The following DGKD variants were observed in gnomAD, a reference collection of about 807,000 sequenced individuals.
The protein encoded by DGKD is diacylglycerol kinase delta.
In DGKD, 68 loss-of-function variants were observed where a neutral mutation model predicts 154.4. The ratio of observed to expected loss-of-function variants is 0.44; its 90% CI spans 0.36 to 0.54. The LOEUF is 0.54. Among genes scored for constraint, DGKD ranks in the 20% least tolerant of loss-of-function variants. The pLI, the probability that DGKD is intolerant of heterozygous loss-of-function variation, is 0.00. For missense variants in DGKD, 1,343 were observed against 1,593.6 expected (o/e 0.84, Z 2.68); for synonymous variants, 693 against 638.0 (o/e 1.09, Z -1.30).
At chr2:233,422,676 A>G (rs2062159242) in intron 3 of DGKD, among the ~76,000 whole-genome samples, 1 of 152,210 alleles carries the variant, frequency 6.6e-6, no homozygotes, top group Non-Finnish European at 1.5e-5. Flanking sequence ...TAAGAAACAC[A>G]GCATTGTTCT....
chr2:233,423,633 A>G (rs932271752), intron 3 of DGKD, among the ~76,000 whole-genome samples: 1 of 152,094 alleles, frequency 6.6e-6, no homozygotes, highest in Non-Finnish European at 1.5e-5. Flanking sequence ...ATACTCTGTT[A>G]GGTGAGTGCT....
At chr2:233,462,324 G>A (rs371261923) in intron 24 of DGKD, 24 bp from the exon 25 acceptor site, 146 of 1,576,320 alleles carry the variant, frequency 9.3e-5, no homozygotes, top group Middle Eastern at 1.7e-4. Context: ...CCTGACATCT[G>A]CCCGTGCTTC....
In DGKD at chr2:233,354,536, C is replaced by A; in HGVS notation, c.18C>A (p.Gly6=). ...CCGGCAGCATGGCGGCGGCGGCGGGCGCCCCTCCGCCGGGTCCCCCGCAAC... is the reference window on the plus strand; with the variant it reads ...CCGGCAGCATGGCGGCGGCGGCGGGAGCCCCTCCGCCGGGTCCCCCGCAAC... MAAAA[G]APPPGPPQPP... Residue 6 remains glycine, a synonymous_variant, in exon 1 of 30, where the codon GGC becomes GGA. Transcript: ENST00000264057. This position sits in a 1 kb window ranked among gnomAD's most constrained non-coding sequence, Gnocchi z 4.8. The A allele has an allele frequency of 4.0e-6, 4 of 992,694 alleles. No homozygotes were observed. Among genetic ancestry groups the A allele is most frequent in the Non-Finnish European group, 4.8e-6 (4 of 836,816 alleles). The allele number at this position is 992,694 out of a possible 1,614,324, so 61.5% of individuals were successfully genotyped here.
chr2:233,417,792 G>T (rs535551987), intron 3 of DGKD, among the ~76,000 whole-genome samples: 1 of 152,276 alleles, frequency 6.6e-6, no homozygotes, highest in East Asian at 1.9e-4. Context: ...AGATTGGCCT[G>T]AAGAGGACAT....
intron 1 of DGKD, among the ~76,000 whole-genome samples, chr2:233,377,446 A>C (rs1423939350): frequency 6.6e-6 from 1 of 152,108 alleles, no homozygotes; most frequent in Non-Finnish European, 1.5e-5. Context: ...TGATTTGGAG[A>C]GGTTCCGTAG....
chr2:233,430,553 TTCTC>T (rs1006810412), intron 3 of DGKD, among the ~76,000 whole-genome samples: 5 of 152,210 alleles, frequency 3.3e-5, no homozygotes, highest in African/African-American at 9.6e-5. Flanking sequence ...AAACCTTACT[TTCTC>T]TCTCTCTTTT....
At chr2:233,414,037 G>A (rs1204925411) in intron 3 of DGKD, among the ~76,000 whole-genome samples, 1 of 152,150 alleles carries the variant, frequency 6.6e-6, no homozygotes, top group South Asian at 2.1e-4. Context: ...TCTAGATGAG[G>A]GAGGACAATT....
chr2:233,374,946 G>C (rs961820328), intron 1 of DGKD, among the ~76,000 whole-genome samples: 2 of 152,190 alleles, frequency 1.3e-5, no homozygotes, highest in Admixed American at 6.5e-5. Flanking sequence ...TGAGATTACA[G>C]GTGTGACATA....
chr2:233,394,302 G>A (rs1703847950), intron 3 of DGKD, among the ~76,000 whole-genome samples: 1 of 151,932 alleles, frequency 6.6e-6, no homozygotes, highest in Non-Finnish European at 1.5e-5. Flanking sequence ...GAGTGAAGTG[G>A]CACAATTATG....
chr2:233,365,121 CAA>C (rs1279044313), intron 1 of DGKD, among the ~76,000 whole-genome samples: 1 of 152,058 alleles, frequency 6.6e-6, no homozygotes, highest in Non-Finnish European at 1.5e-5. Context: ...GTAAGGGAAA[CAA>C]ATTCATAATC....
chr2:233,467,310 G>A (rs767451196), intron 28 of DGKD, 107 bp downstream of exon 28: 1 of 812,026 alleles, frequency 1.2e-6, no homozygotes. Context: ...CCTCCCTCTT[G>A]GTCCCTGTGC....
At chr2:233,360,401 C>G (rs552349395) in intron 1 of DGKD, among the ~76,000 whole-genome samples, 3 of 152,110 alleles carry the variant, frequency 2.0e-5, no homozygotes, top group African/African-American at 7.2e-5. Flanking sequence ...CAGATGCATT[C>G]CATGATGCCT....
chr2:233,436,753 C>T (rs1559546413), intron 7 of DGKD, among the ~76,000 whole-genome samples: 1 of 152,364 alleles, frequency 6.6e-6, no homozygotes, highest in Admixed American at 6.5e-5. Flanking sequence ...AGCTGGCCGC[C>T]TCTGTGGTGT....
intron 3 of DGKD, among the ~76,000 whole-genome samples, chr2:233,401,423 A>C (rs1214824753): frequency 6.6e-6 from 1 of 151,914 alleles, no homozygotes; most frequent in Non-Finnish European, 1.5e-5. Context: ...CTGTTTACTG[A>C]ATAATAACTT....
Position 233,438,472 on chromosome 2 carries a change from G to A in DGKD, c.1085+93G>A. 1 of 1,422,234 alleles carries A rather than the reference G, an allele frequency of 7.0e-7. No individual in the cohort carries two copies. Among genetic ancestry groups the A allele is most frequent in the Non-Finnish European group, 9.5e-7 (1 of 1,056,544 alleles). The allele number at this position is 1,422,234 out of a possible 1,614,324, so 88.1% of individuals were successfully genotyped here. On this transcript the variant is annotated intron_variant, in intron 9 of 29. Transcript: ENST00000264057. The surrounding 1 kb of genome is among the most constrained non-coding windows in gnomAD (Gnocchi z 4.1). ...AAAAAAAAAAGTTCAAAGACACAAA[G>A]CTTTAAATAGGAAAGAAAAGTTGAA...
At chr2:233,432,740 A>T (rs917664379) in intron 3 of DGKD, among the ~76,000 whole-genome samples, 1 of 152,226 alleles carries the variant, frequency 6.6e-6, no homozygotes, top group South Asian at 2.1e-4. Context: ...CGAGAGCTCA[A>T]ATAATTCAAA....
At chr2:233,468,305 G>A in intron 28 of DGKD, 118 bp from the exon 29 acceptor site, 1 of 1,296,300 alleles carries the variant, frequency 7.7e-7, no homozygotes, top group Non-Finnish European at 1.1e-6. Context: ...CTCGGGTGCT[G>A]GCTGTTGGGA....
At chr2:233,413,085 A>G (rs2061866766) in intron 3 of DGKD, among the ~76,000 whole-genome samples, 1 of 151,762 alleles carries the variant, frequency 6.6e-6, no homozygotes, top group South Asian at 2.1e-4. Flanking sequence ...TGCCTTTGTC[A>G]GGTTTTGGTA....
At chr2:233,380,662 ATGTG>A (rs369040167) in intron 1 of DGKD, among the ~76,000 whole-genome samples, 6 of 150,404 alleles carry the variant, frequency 4.0e-5, no homozygotes, top group Non-Finnish European at 1.5e-5. Context: ...AGCAGTGAGG[ATGTG>A]TGTGTGTGTG....
Sources: gnomAD v4.1 joint callset for allele counts (sites outside exome capture counted in the v4.1 genomes callset) on GRCh38, gnomAD v4.1.1 for gene constraint, Gnocchi (gnomAD v3.1) non-coding constraint, MANE v1.5 for transcripts, NCBI Gene and HGNC (gene_info 2026-07-23, HGNC 2026-07-21) for gene names.